The following ITPR2 variants were observed in gnomAD, a reference collection of about 807,000 sequenced individuals.
ITPR2 encodes the protein inositol 1,4,5-trisphosphate-gated calcium channel ITPR2.
Under a neutral mutation model 317.1 loss-of-function variants are expected in ITPR2, and 207 were observed. That is an observed-to-expected ratio of 0.65 (90% CI 0.58 to 0.73). ITPR2 has a LOEUF of 0.73. Among genes scored for constraint, ITPR2 ranks in the 30% least tolerant of loss-of-function variants. The pLI is 0.00. For missense variants in ITPR2, 2,613 were observed against 3,284.0 expected (o/e 0.80, Z 4.99); for synonymous variants, 1,156 against 1,149.1 (o/e 1.01, Z -0.12).
At chr12:26,409,121 T>C (rs1778041424) in intron 52 of ITPR2, among the ~76,000 whole-genome samples, 2 of 152,158 alleles carry the variant, frequency 1.3e-5, no homozygotes, top group African/African-American at 2.4e-5. Flanking sequence ...AGACCTGAAT[T>C]TGAGACTGTG....
chr12:26,452,603 A>T (rs1274229072), intron 45 of ITPR2, among the ~76,000 whole-genome samples: 3 of 152,152 alleles, frequency 2.0e-5, no homozygotes, highest in Admixed American at 6.5e-5. Context: ...AAGAGGGATT[A>T]ATGCTGCTCC....
At chr12:26,361,619 T>C (rs1938833821) in intron 55 of ITPR2, among the ~76,000 whole-genome samples, 2 of 152,306 alleles carry the variant, frequency 1.3e-5, no homozygotes, top group South Asian at 4.1e-4. Context: ...TATATAAAAA[T>C]GAAGTTTACA....
intron 43 of ITPR2, 35 bp downstream of exon 43, chr12:26,481,096 T>C (rs1383439087): frequency 4.8e-6 from 6 of 1,251,316 alleles, no homozygotes; most frequent in South Asian, 1.2e-5. Flanking sequence ...ATAGAGACTG[T>C]AGCTTTTCTG....
chr12:26,425,613 A>G (rs1420978790), intron 49 of ITPR2, among the ~76,000 whole-genome samples: 1 of 150,876 alleles, frequency 6.6e-6, no homozygotes, highest in Admixed American at 6.6e-5. Context: ...GGTTGCAGTG[A>G]GCCGAGATCA....
chr12:26,391,988 C>T (rs1939865951), intron 54 of ITPR2, among the ~76,000 whole-genome samples: 2 of 152,222 alleles, frequency 1.3e-5, no homozygotes, highest in South Asian at 2.1e-4. Flanking sequence ...GGCACCAGGG[C>T]AGTGGAGGGG....
intron 36 of ITPR2, among the ~76,000 whole-genome samples, chr12:26,555,357 G>T (rs1241237802): frequency 6.6e-6 from 1 of 152,094 alleles, no homozygotes; most frequent in African/African-American, 2.4e-5. Flanking sequence ...TGGTCAAGGG[G>T]CTTGGCAAGC....
In ITPR2 at chr12:26,628,177, A is replaced by G. The variant is rs1308769608; in HGVS notation, c.2935-15T>C. The G allele has an allele frequency of 4.4e-6, 7 of 1,574,502 alleles. No homozygotes were observed. Among genetic ancestry groups the G allele is most frequent in the Non-Finnish European group, 6.0e-6 (7 of 1,158,282 alleles). On this transcript the variant is annotated splice_polypyrimidine_tract_variant and intron_variant, in intron 22 of 56. Transcript: ENST00000381340. ...CTCAGGATAAACTATAAGAAACATT[A>G]AGAACAACATAAATTTCTTTCATTA... is the stretch of plus-strand genomic sequence containing the variant.
chr12:26,676,997 G>A lies in ITPR2; in HGVS notation c.1409+4877C>T, dbSNP rs536093812. On this transcript the variant is annotated intron_variant, in intron 13 of 56. Coordinates refer to ENST00000381340, the MANE Select transcript of ITPR2 (RefSeq NM_002223.4). ...TGTCAGAGCAAAACCAAAGCATGCC[G>A]CGGCACTTTTCTTTCATGGGAGGGG... Among the ~76,000 whole-genome samples the A allele has an allele frequency of 1.2e-4, 18 of 152,156 alleles. No individual in the cohort carries two copies. The South Asian group carries it at 2.1e-3, about 18-fold the overall frequency.
At chr12:26,663,607 A>G (rs1947551313) in intron 15 of ITPR2, 78 bp downstream of exon 15, 11 of 1,275,310 alleles carry the variant, frequency 8.6e-6, no homozygotes, top group Non-Finnish European at 1.1e-5. Flanking sequence ...CCTACTTTCT[A>G]TGCTGTAGAA....
chr12:26,339,829 G>T (rs568653010), intron 56 of ITPR2, among the ~76,000 whole-genome samples: 1 of 152,234 alleles, frequency 6.6e-6, no homozygotes, highest in South Asian at 2.1e-4. Context: ...CATTGAAATG[G>T]CAGATACTAA....
intron 32 of ITPR2, among the ~76,000 whole-genome samples, chr12:26,591,200 T>C (rs898194419): frequency 3.3e-5 from 5 of 151,178 alleles, no homozygotes; most frequent in African/African-American, 9.7e-5. Flanking sequence ...AAGGGATTAA[T>C]AACCAGAATC....
chr12:26,670,200 T>C (rs943487363), intron 13 of ITPR2, among the ~76,000 whole-genome samples: 2 of 152,270 alleles, frequency 1.3e-5, no homozygotes, highest in African/African-American at 2.4e-5. Flanking sequence ...GAGCATTGGT[T>C]CTCCCAGCAT....
chr12:26,707,686 A>G (rs529025719), intron 9 of ITPR2, among the ~76,000 whole-genome samples: 2 of 152,290 alleles, frequency 1.3e-5, no homozygotes, highest in African/African-American at 4.8e-5. Context: ...GGCACCCGCC[A>G]TCATGCCTGG....
At chr12:26,595,717 C>G (rs1945825448) in intron 31 of ITPR2, 127 bp from the exon 32 acceptor site, 3 of 762,740 alleles carry the variant, frequency 3.9e-6, no homozygotes, top group Non-Finnish European at 6.0e-6. Context: ...TTTGTCTATC[C>G]AGAAAGTATT....
At chr12:26,382,404 C>T (rs934731778) in intron 55 of ITPR2, among the ~76,000 whole-genome samples, 1 of 152,150 alleles carries the variant, frequency 6.6e-6, no homozygotes, top group African/African-American at 2.4e-5. Flanking sequence ...GTGGCTCACA[C>T]CTGTAATCCT....
chr12:26,509,958 T>TTGTGTGTGTGTGTGTGTGTGTG (rs56063133), intron 37 of ITPR2, among the ~76,000 whole-genome samples: 18 of 53,262 alleles, frequency 3.4e-4, no homozygotes, highest in East Asian at 2.3e-3. Flanking sequence ...GATAAGGGTT[T>TTGTGTGTGTGTGTGTGTGTGTG]TGTGTGTGTG....
Position 26,832,916 on chromosome 12 carries a change from C to CCCGAG in ITPR2, c.-140_-136dup. 1.5e-6 allele frequency: 1 copy of CCCGAG among 678,460 alleles called. No homozygotes were observed. 42.0% of individuals were successfully genotyped at this position (678,460 alleles called of 1,614,324 possible). A position where few individuals can be genotyped will look rare whatever the true frequency, so the allele number is the denominator to read the frequency against. On this transcript the variant is annotated 5_prime_UTR_variant, in exon 1 of 57. Transcript: ENST00000381340. Reference sequence around the variant, plus strand: ...CCAAGAGCCGCGGCGGAGGGCACGGCCCGAGCCACTGAGCGTCGCGGCTCA... The same window carrying CCCGAG: ...CCAAGAGCCGCGGCGGAGGGCACGGCCCGAGCCGAGCCACTGAGCGTCGCGGCTCA...
At chr12:26,381,871 TG>T (rs1454692143) in intron 55 of ITPR2, among the ~76,000 whole-genome samples, 2 of 152,212 alleles carry the variant, frequency 1.3e-5, no homozygotes, top group Non-Finnish European at 1.5e-5. Flanking sequence ...TACAGACCTC[TG>T]GTTTGGATCC....
intron 2 of ITPR2, among the ~76,000 whole-genome samples, chr12:26,787,719 G>C (rs1950279135): frequency 6.6e-6 from 1 of 152,146 alleles, no homozygotes; most frequent in Admixed American, 6.5e-5. Context: ...CATGATCCCA[G>C]AAAAAGTTTG....
Sources: gnomAD v4.1 joint callset for allele counts (sites outside exome capture counted in the v4.1 genomes callset) on GRCh38, gnomAD v4.1.1 for gene constraint, MANE v1.5 for transcripts, NCBI Gene and HGNC (gene_info 2026-07-23, HGNC 2026-07-21) for gene names.